The following ZFHX3 variants were observed in gnomAD, a reference collection of about 807,000 sequenced individuals.
The protein encoded by ZFHX3 is zinc finger homeobox protein 3.
ZFHX3 carries 42 observed loss-of-function variants against 279.1 expected under a neutral mutation model. That is an observed-to-expected ratio of 0.15 (90% CI 0.12 to 0.19). The LOEUF (loss-of-function observed/expected upper bound fraction) is 0.19, where lower values mean the gene tolerates loss of function less well. Ranked by LOEUF, ZFHX3 falls within the 10% of genes least tolerant of loss-of-function variation. ZFHX3 has a pLI of 1.00. For missense variants in ZFHX3, 4,981 were observed against 4,754.0 expected (o/e 1.05, Z -1.40); for synonymous variants, 2,293 against 1,957.8 (o/e 1.17, Z -4.52).
intron 5 of ZFHX3, among the ~76,000 whole-genome samples, chr16:73,183,507 G>A (rs60351268): frequency 0.035 from 5,297 of 152,216 alleles, 144 homozygotes; most frequent in African/African-American, 0.067. Flanking sequence ...CCCCCTGAAG[G>A]GGTCCATCCA....
At chr16:73,695,242 G>GTTT (rs5817868) in intron 1 of ZFHX3, among the ~76,000 whole-genome samples, 2,796 of 139,194 alleles carry the variant, frequency 0.02, 43 homozygotes, top group Middle Eastern at 0.058. Flanking sequence ...GTTTTTTTTT[G>GTTT]TTTTTTTTTT....
intron 4 of ZFHX3, among the ~76,000 whole-genome samples, chr16:72,833,201 C>A (rs534125734): frequency 6.6e-6 from 1 of 152,300 alleles, no homozygotes; most frequent in South Asian, 2.1e-4. Flanking sequence ...AAATAGCATC[C>A]CGCTTTGAAA....
At chr16:73,483,345 G>A (rs2018906546) in intron 2 of ZFHX3, 1 of 410,728 alleles carries the variant, frequency 2.4e-6, no homozygotes, top group Non-Finnish European at 4.7e-6. Flanking sequence ...GACAGAGAGA[G>A]AGAGAAAGAG....
At chr16:73,624,014 C>T (rs1214552858) in intron 2 of ZFHX3, among the ~76,000 whole-genome samples, 1 of 152,122 alleles carries the variant, frequency 6.6e-6, no homozygotes, top group Admixed American at 6.5e-5. Flanking sequence ...AGTGACAGCT[C>T]AAATTGTGTT....
Position 73,682,646 on chromosome 16 carries a change from T to G in ZFHX3, c.-1607-2406A>C, listed in dbSNP as rs887153959. ...ACTAAAAATACAAAAAATGAGCCGGTCATGGTGGCATGCACCTGTAATCCC... is the reference window on the plus strand; with the variant it reads ...ACTAAAAATACAAAAAATGAGCCGGGCATGGTGGCATGCACCTGTAATCCC... On this transcript the variant is annotated intron_variant, in intron 1 of 17. Transcript: ENST00000641206. Among the ~76,000 whole-genome samples, 6 of 151,340 alleles carry G rather than the reference T, an allele frequency of 4.0e-5. No homozygotes were observed. In the East Asian group the frequency reaches 1.2e-3, roughly 29 times the overall value.
intron 3 of ZFHX3, among the ~76,000 whole-genome samples, chr16:72,912,606 G>C (rs1219585823): frequency 1.3e-5 from 2 of 152,144 alleles, no homozygotes; most frequent in Non-Finnish European, 2.9e-5. Context: ...AGGTCTGGGA[G>C]AAACAGCAGC....
intron 7 of ZFHX3, among the ~76,000 whole-genome samples, chr16:73,097,450 T>A (rs950601607): frequency 6.6e-6 from 1 of 152,188 alleles, no homozygotes; most frequent in Non-Finnish European, 1.5e-5. Context: ...TTTATGTAAT[T>A]TCCCATGAAT....
intron 1 of ZFHX3, among the ~76,000 whole-genome samples, chr16:73,800,926 A>G (rs528180377): frequency 1.7e-3 from 258 of 152,290 alleles, no homozygotes; most frequent in African/African-American, 5.9e-3. Context: ...CCATCAGCTC[A>G]TGTGTCTCCG....
intron 3 of ZFHX3, among the ~76,000 whole-genome samples, chr16:73,450,506 G>A (rs542750330): frequency 7.9e-5 from 12 of 152,118 alleles, no homozygotes; most frequent in South Asian, 2.1e-4. Flanking sequence ...CTTTTAACAC[G>A]TGTTTGTGGT....
chr16:73,860,364 C>T (rs1306967337), intron 1 of ZFHX3, among the ~76,000 whole-genome samples: 1 of 151,080 alleles, frequency 6.6e-6, no homozygotes, highest in Non-Finnish European at 1.5e-5. Flanking sequence ...TTTGTTTCTG[C>T]TTTCCTTGTT....
intron 3 of ZFHX3, among the ~76,000 whole-genome samples, chr16:73,353,641 C>A (rs890545461): frequency 6.6e-6 from 1 of 152,108 alleles, no homozygotes; most frequent in Non-Finnish European, 1.5e-5. Flanking sequence ...AGCCATCCTG[C>A]CCCTCTGCAG....
At chr16:73,306,870 G>C (rs1480874015) in intron 4 of ZFHX3, among the ~76,000 whole-genome samples, 1 of 152,204 alleles carries the variant, frequency 6.6e-6, no homozygotes, top group Non-Finnish European at 1.5e-5. Flanking sequence ...TCCTGGGGCA[G>C]TGTGATCAAT....
At chr16:73,103,734 T>C (rs1267986423) in intron 7 of ZFHX3, among the ~76,000 whole-genome samples, 1 of 152,166 alleles carries the variant, frequency 6.6e-6, no homozygotes, top group Admixed American at 6.5e-5. Context: ...CACCCAATGA[T>C]TGTGGCAGTG....
chr16:73,111,670 CGAAAGAGAGGAAGGAAGGAAGGAGAGAGA>C (rs1966376216), intron 7 of ZFHX3, among the ~76,000 whole-genome samples: 1 of 57,550 alleles, frequency 1.7e-5, no homozygotes, highest in South Asian at 5.2e-4. Context: ...AAGGAGAGAG[CGAAAGAGAGGAAGGAAGGAAGGAGAGAGA>C]GAAAGGAAGA....
At chr16:73,747,452 G>C (rs934327314) in intron 1 of ZFHX3, among the ~76,000 whole-genome samples, 4 of 152,184 alleles carry the variant, frequency 2.6e-5, no homozygotes, top group African/African-American at 9.7e-5. Context: ...ATTTGCATCT[G>C]TCTCTGAGTG....
intron 1 of ZFHX3, among the ~76,000 whole-genome samples, chr16:73,855,555 C>T (rs1364092726): frequency 2.0e-5 from 3 of 152,006 alleles, no homozygotes; most frequent in Non-Finnish European, 2.9e-5. Context: ...CAAACAAGTG[C>T]CAAAACTCTT....
chr16:73,429,894 T>C (rs1392053504), intron 3 of ZFHX3, among the ~76,000 whole-genome samples: 1 of 151,914 alleles, frequency 6.6e-6, no homozygotes, highest in Admixed American at 6.6e-5. Context: ...TTCCACTCTT[T>C]TCTGTTGGTT....
intron 1 of ZFHX3, among the ~76,000 whole-genome samples, chr16:73,836,204 C>T (rs1485312131): frequency 6.6e-6 from 1 of 152,178 alleles, no homozygotes; most frequent in East Asian, 1.9e-4. Flanking sequence ...CCACTGCTCC[C>T]ATTCCACATT....
At chr16:72,948,547 C>T (rs893530603) in intron 3 of ZFHX3, among the ~76,000 whole-genome samples, 2 of 152,170 alleles carry the variant, frequency 1.3e-5, no homozygotes, top group Non-Finnish European at 2.9e-5. Flanking sequence ...GCAAATCCGC[C>T]GAGTTCCAGG....
Sources: allele counts gnomAD v4.1 joint callset (sites outside exome capture counted in the v4.1 genomes callset), GRCh38; gene constraint gnomAD v4.1.1; transcripts MANE v1.5; gene names NCBI Gene and HGNC (gene_info 2026-07-23, HGNC 2026-07-21).